TUT4: variants seen among roughly 807,000 people sequenced by gnomAD.
TUT4 encodes the protein terminal uridylyl transferase 4.
In TUT4, 36 loss-of-function variants were observed where a neutral mutation model predicts 192.2. That is an observed-to-expected ratio of 0.19 (90% CI 0.14 to 0.25). The LOEUF (loss-of-function observed/expected upper bound fraction) is 0.25. TUT4 is among the 10% of genes least tolerant of loss of function. TUT4 has a pLI of 1.00. For synonymous variants in TUT4, 618 were observed against 666.0 expected (o/e 0.93, Z 1.11); for missense variants, 1,493 against 1,957.2 (o/e 0.76, Z 4.47).
intron 9 of TUT4, among the ~76,000 whole-genome samples, chr1:52,488,159 A>C (rs970046668): frequency 1.3e-5 from 2 of 152,142 alleles, no homozygotes; most frequent in Non-Finnish European, 2.9e-5. Flanking sequence ...CCCAGACAAA[A>C]AATTCCAGAG....
chr1:52,518,014 T>C (rs1679168608), intron 2 of TUT4, among the ~76,000 whole-genome samples: 1 of 152,234 alleles, frequency 6.6e-6, no homozygotes, highest in Non-Finnish European at 1.5e-5. Context: ...TTTTCTGGAA[T>C]CAACATATAA....
chr1:52,439,597 A>G (rs1456466859), intron 24 of TUT4, among the ~76,000 whole-genome samples: 1 of 152,236 alleles, frequency 6.6e-6, no homozygotes, highest in Non-Finnish European at 1.5e-5. Flanking sequence ...GACACGCCCA[A>G]TAAGATGCCT....
chr1:52,434,693 C>G (rs1653204677), intron 27 of TUT4: 1 of 152,016 alleles, frequency 6.6e-6, no homozygotes, highest in Admixed American at 6.6e-5. Flanking sequence ...CAAAAATTAG[C>G]TGGGCGTGAT....
chr1:52,453,039 T>C (rs1410329923), intron 20 of TUT4, among the ~76,000 whole-genome samples: 1 of 152,106 alleles, frequency 6.6e-6, no homozygotes, highest in East Asian at 1.9e-4. Context: ...CCCCAACACA[T>C]TTGGTCACAG....
At chr1:52,491,850 A>G (rs1671244087) in intron 7 of TUT4, among the ~76,000 whole-genome samples, 1 of 152,242 alleles carries the variant, frequency 6.6e-6, no homozygotes, top group Admixed American at 6.5e-5. Context: ...CAGGGTCAAT[A>G]TGACAATGAG....
intron 9 of TUT4, among the ~76,000 whole-genome samples, chr1:52,484,200 T>C (rs1669217615): frequency 6.6e-6 from 1 of 151,894 alleles, no homozygotes; most frequent in South Asian, 2.1e-4. Flanking sequence ...GGCAACAGAG[T>C]GAGACTCTGT....
In TUT4 at chr1:52,435,408, T is replaced by C; in HGVS notation, c.4220A>G (p.Gln1407Arg). Residue 1407 changes from glutamine (Q) to arginine (R), a missense_variant, in exon 27 of 30, where the codon CAA (glutamine) becomes CGA (arginine). By Grantham distance (43) the Gln-to-Arg change is conservative (BLOSUM62 1). This residue lies in a region of TUT4 where 351 missense variants were observed against 397.8 expected (regional missense o/e 0.88). Transcript: ENST00000257177. ...AGTCCTTATGGACTGATCACCCTGTTGCTGAGCTGAACCAGCCACCTGTTG... is the reference window on the plus strand; with the variant it reads ...AGTCCTTATGGACTGATCACCCTGTCGCTGAGCTGAACCAGCCACCTGTTG... ...NAQQVAGSAQ[Q>R]QGDQSIRTRQ... 6.2e-7 allele frequency: 1 copy of C among 1,614,186 alleles called. No individual in the cohort carries two copies. The highest frequency in any genetic ancestry group is 8.5e-7 in the Non-Finnish European group (1 of 1,180,002).
rs768341925 is a variant in TUT4 at position 52,445,802 on chromosome 1, G to A, written c.3807C>T (p.Leu1269=). ...GTAAACTTACAGCTTCTCTGCCAAT[G>A]AGTGGATAAAAAGGGGTACCAAAAA... ...RKLFGTPFYP[L]IGREAEYFFD... The change falls in exon 24 of 30, where the codon CTC becomes CTT. Residue 1269 remains leucine, a synonymous_variant. Coordinates refer to ENST00000257177, the MANE Select transcript of TUT4 (RefSeq NM_001009881.3). The A allele has an allele frequency of 8.1e-6, 13 of 1,609,524 alleles. No individual in the cohort carries two copies. Among genetic ancestry groups the A allele is most frequent in the African/African-American group, 1.3e-5 (1 of 74,806 alleles).
chr1:52,470,327 T>C (rs934849584), intron 14 of TUT4, among the ~76,000 whole-genome samples: 1 of 152,118 alleles, frequency 6.6e-6, no homozygotes, highest in Non-Finnish European at 1.5e-5. Context: ...CAAATATCTA[T>C]GAGCCCACAT....
chr1:52,543,805 C>T (rs1687361905), intron 1 of TUT4, among the ~76,000 whole-genome samples: 2 of 151,924 alleles, frequency 1.3e-5, no homozygotes. Context: ...AAAATGTCCA[C>T]ACTACCCAAA....
At chr1:52,444,526 T>C (rs1656777235) in intron 24 of TUT4, among the ~76,000 whole-genome samples, 1 of 151,966 alleles carries the variant, frequency 6.6e-6, no homozygotes, top group African/African-American at 2.4e-5. Flanking sequence ...TGGTTAATAC[T>C]GAATGTCAAT....
At chr1:52,429,940 A>ATG (rs151084510) in intron 28 of TUT4, among the ~76,000 whole-genome samples, 41 of 151,150 alleles carry the variant, frequency 2.7e-4, no homozygotes, top group East Asian at 7.8e-4. Flanking sequence ...GTGTGTATAT[A>ATG]TGTGTGTGTG....
Position 52,451,280 on chromosome 1 carries a change from T to A in TUT4, c.3436-4613A>T, listed in dbSNP as rs866057275. Among the ~76,000 whole-genome samples, 616 of 147,966 alleles carry A rather than the reference T, an allele frequency of 4.2e-3. 3 individuals are homozygous for A. Among genetic ancestry groups the A allele is most frequent in the Middle Eastern group, 0.014 (4 of 286 alleles). ...GACTCTGTCTCAAAAAAAAAAAAAA[T>A]AAGAATAAGAATAAGAATACAGAGA... On this transcript the variant is annotated intron_variant, in intron 20 of 29. Transcript: ENST00000257177.
chr1:52,549,088 A>G (rs968237980), intron 1 of TUT4, among the ~76,000 whole-genome samples: 1 of 152,200 alleles, frequency 6.6e-6, no homozygotes, highest in Non-Finnish European at 1.5e-5. Context: ...TAGGGAGAGG[A>G]GAGAAGAGTG....
At chr1:52,448,267 C>T (rs544955926) in intron 20 of TUT4, among the ~76,000 whole-genome samples, 11 of 152,286 alleles carry the variant, frequency 7.2e-5, no homozygotes, top group African/African-American at 2.4e-4. Context: ...TCATCTAGCA[C>T]ATATTCCGAC....
chr1:52,472,313 A>G (rs186663327), intron 13 of TUT4, among the ~76,000 whole-genome samples: 11 of 152,112 alleles, frequency 7.2e-5, no homozygotes, highest in African/African-American at 2.2e-4. Context: ...CACTAAAATT[A>G]TATCAAGGAT....
chr1:52,538,316 CA>C (rs111747609), intron 1 of TUT4, among the ~76,000 whole-genome samples: 59 of 152,176 alleles, frequency 3.9e-4, no homozygotes, highest in African/African-American at 1.3e-3. Context: ...ATTCTATCCC[CA>C]ATGGGCATGT....
chr1:52,445,656 G>A (rs1279349560), intron 24 of TUT4, 131 bp downstream of exon 24: 4 of 680,654 alleles, frequency 5.9e-6, no homozygotes, highest in Non-Finnish European at 9.9e-6. Context: ...TATGATAAAT[G>A]CAATAAGAAA....
intron 20 of TUT4, among the ~76,000 whole-genome samples, chr1:52,450,467 GAA>G (rs1366952529): frequency 2.0e-5 from 3 of 152,250 alleles, no homozygotes; most frequent in South Asian, 4.1e-4. Context: ...AACAGATAAT[GAA>G]AGAGTTTTTA....
Sources: gnomAD v4.1 joint callset for allele counts (sites outside exome capture counted in the v4.1 genomes callset) on GRCh38, gnomAD v4.1.1 for gene constraint, gnomAD v4.1.1 regional missense constraint, MANE v1.5 for transcripts, NCBI Gene and HGNC (gene_info 2026-07-23, HGNC 2026-07-21) for gene names.